The following NPAS3 variants were observed in gnomAD, a reference collection of about 807,000 sequenced individuals.
NPAS3 encodes the protein neuronal PAS domain protein 3, also known as neuronal PAS domain-containing protein 3.
A neutral mutation model predicts 73.1 loss-of-function variants in NPAS3; 14 were observed. The ratio of observed to expected loss-of-function variants is 0.19; its 90% confidence interval spans 0.13 to 0.30. NPAS3 has a LOEUF of 0.30. NPAS3 is among the 10% of genes least tolerant of loss of function. The pLI is 1.00. For missense variants in NPAS3, 1,096 were observed against 1,250.0 expected (o/e 0.88, Z 1.86); for synonymous variants, 620 against 541.5 (o/e 1.14, Z -2.01).
chr14:33,008,256 T>A (rs192682690), intron 1 of NPAS3, among the ~76,000 whole-genome samples: 1 of 152,288 alleles, frequency 6.6e-6, no homozygotes, highest in East Asian at 1.9e-4. Flanking sequence ...CTACATGTAT[T>A]ATTTTACTGA....
At chr14:33,655,331 CTTTTTTTTT>C (rs3059406) in intron 5 of NPAS3, among the ~76,000 whole-genome samples, 1 of 105,886 alleles carries the variant, frequency 9.4e-6, no homozygotes, top group Non-Finnish European at 1.8e-5. Flanking sequence ...ACCTTTGGCT[CTTTTTTTTT>C]TTTTTTTTTT....
At chr14:33,756,767 C>T (rs1210224205) in intron 7 of NPAS3, among the ~76,000 whole-genome samples, 3 of 152,170 alleles carry the variant, frequency 2.0e-5, no homozygotes, top group Admixed American at 1.3e-4. Flanking sequence ...ACGAGGTACA[C>T]AGAGAAATAA....
chr14:33,607,946 A>G (rs138409016), intron 5 of NPAS3, among the ~76,000 whole-genome samples: 8 of 152,262 alleles, frequency 5.3e-5, no homozygotes, highest in African/African-American at 1.7e-4. Context: ...TCATGGGAAT[A>G]GCGTGGGGGA....
chr14:33,653,305 C>T (rs1304245800), intron 5 of NPAS3, among the ~76,000 whole-genome samples: 2 of 152,212 alleles, frequency 1.3e-5, no homozygotes, highest in African/African-American at 4.8e-5. Flanking sequence ...CTGTGTATAT[C>T]ACAGAAACAC....
intron 5 of NPAS3, among the ~76,000 whole-genome samples, chr14:33,580,047 A>G (rs2056601845): frequency 6.6e-6 from 1 of 152,216 alleles, no homozygotes. Context: ...TACTCATACA[A>G]TACTAAACCT....
chr14:33,089,295 A>G (rs142130760), intron 2 of NPAS3, among the ~76,000 whole-genome samples: 229 of 152,340 alleles, frequency 1.5e-3, no homozygotes, highest in African/African-American at 5.3e-3. Context: ...AGTGTGGAGA[A>G]GTCCTTAAGT....
chr14:33,076,652 A>G (rs1347984523), intron 2 of NPAS3, among the ~76,000 whole-genome samples: 1 of 152,194 alleles, frequency 6.6e-6, no homozygotes, highest in Non-Finnish European at 1.5e-5. Flanking sequence ...ATATGACATG[A>G]CTTGCCTCCA....
At chr14:33,672,579 A>ATGTC (rs1164173270) in intron 5 of NPAS3, among the ~76,000 whole-genome samples, 1 of 152,150 alleles carries the variant, frequency 6.6e-6, no homozygotes, top group Non-Finnish European at 1.5e-5. Context: ...ACATGAAGTA[A>ATGTC]TGTCTGTTCA....
intron 7 of NPAS3, among the ~76,000 whole-genome samples, chr14:33,754,263 G>A (rs186727834): frequency 1.1e-3 from 172 of 152,250 alleles, no homozygotes; most frequent in African/African-American, 3.8e-3. Context: ...TAGGTGGGGT[G>A]TGAGGGATGG....
At chr14:33,074,935 G>A (rs1420460705) in intron 2 of NPAS3, among the ~76,000 whole-genome samples, 1 of 152,116 alleles carries the variant, frequency 6.6e-6, no homozygotes, top group African/African-American at 2.4e-5. Context: ...ATGATACAGA[G>A]GAAGAAAAAT....
chr14:33,500,130 G>C (rs1421495869), intron 4 of NPAS3, among the ~76,000 whole-genome samples: 1 of 151,824 alleles, frequency 6.6e-6, no homozygotes, highest in Admixed American at 6.6e-5. Flanking sequence ...TAACCATTTG[G>C]TGTCCAGCAA....
intron 4 of NPAS3, among the ~76,000 whole-genome samples, chr14:33,489,460 A>C (rs1226704835): frequency 6.6e-6 from 1 of 152,182 alleles, no homozygotes; most frequent in African/African-American, 2.4e-5. Flanking sequence ...AAAAACAGCA[A>C]AAAAGTTATG....
intron 7 of NPAS3, among the ~76,000 whole-genome samples, chr14:33,771,987 T>G (rs756352224): frequency 2.6e-5 from 4 of 152,146 alleles, no homozygotes; most frequent in Non-Finnish European, 4.4e-5. Flanking sequence ...TTCTGGAGCC[T>G]CCTTCTTCAC....
intron 4 of NPAS3, among the ~76,000 whole-genome samples, chr14:33,529,939 A>G (rs958825068): frequency 1.3e-5 from 2 of 152,168 alleles, no homozygotes; most frequent in Non-Finnish European, 2.9e-5. Context: ...TTCAAAAACT[A>G]TGTGTTGAAC....
rs142443802 is a variant in NPAS3, at chr14:33,512,597, A to G, written c.469-47524A>G. ...CAGGATAAAGAAATTTGAGTTATGAACTCTAGCAGCATTTTGATGTGGGGT... is the reference window on the plus strand; with the variant it reads ...CAGGATAAAGAAATTTGAGTTATGAGCTCTAGCAGCATTTTGATGTGGGGT... On this transcript the variant is annotated intron_variant, in intron 4 of 11. Coordinates refer to ENST00000356141, the Ensembl canonical transcript of NPAS3. Among the ~76,000 whole-genome samples the G allele has an allele frequency of 1.8e-3, 276 of 152,098 alleles. 2 individuals are homozygous for G. The highest frequency in any genetic ancestry group is 6.3e-3 in the African/African-American group (263 of 41,508).
chr14:33,339,869 CTT>C (rs2044391954), intron 3 of NPAS3, among the ~76,000 whole-genome samples: 1 of 151,958 alleles, frequency 6.6e-6, no homozygotes, highest in African/African-American at 2.4e-5. Flanking sequence ...ATGTTTAAGA[CTT>C]TATGTGTAAT....
rs5807728 is a variant in NPAS3, at chr14:33,475,549, T to TAAAAA, written c.469-84559_469-84555dup. On this transcript the variant is annotated intron_variant, in intron 4 of 11. Transcript: ENST00000356141. ...CATGGAGCTAGGAAGAACTAAGATC[T>TAAAAA]AAAAAAAAAAAAAAAAAGCCTAATT... is the stretch of plus-strand genomic sequence containing the variant. Among the ~76,000 whole-genome samples the TAAAAA allele has an allele frequency of 1.3e-3, 149 of 112,676 alleles. 1 individual carries two copies. Among genetic ancestry groups the TAAAAA allele is most frequent in the African/African-American group, 4.2e-3 (140 of 33,616 alleles). The allele number at this position is 112,676 out of a possible 152,430, so 73.9% of individuals were successfully genotyped here.
At chr14:33,600,320 A>G (rs906100129) in intron 5 of NPAS3, among the ~76,000 whole-genome samples, 10 of 152,290 alleles carry the variant, frequency 6.6e-5, no homozygotes, top group African/African-American at 2.2e-4. Flanking sequence ...CAAATTGCCA[A>G]TGGAGTCTGT....
Position 33,791,031 on chromosome 14 carries a change from T to C in NPAS3, c.1154-2866T>C, listed in dbSNP as rs2063344170. ...CAACTCTGCACCGTATCTGTAGTTA[T>C]CTAGATTCCCACTGGCGCTTGGGGG... On this transcript the variant is annotated intron_variant, in intron 9 of 11. Coordinates refer to ENST00000356141, the Ensembl canonical transcript of NPAS3. 2.6e-5 allele frequency among the ~76,000 whole-genome samples: 4 copies of C among 152,242 alleles called. No homozygotes were observed. The South Asian group carries it at 8.3e-4, about 31-fold the overall frequency.
Sources: gnomAD v4.1 joint callset for allele counts (sites outside exome capture counted in the v4.1 genomes callset) on GRCh38, gnomAD v4.1.1 for gene constraint, MANE v1.5 for transcripts, NCBI Gene and HGNC (gene_info 2026-07-23, HGNC 2026-07-21) for gene names.